Variants in MYO1E observed in about 807,000 individuals in gnomAD.
MYO1E encodes myosin IE.
Under a neutral mutation model 151.1 loss-of-function variants are expected in MYO1E, and 68 were observed. The ratio of observed to expected loss-of-function variants is 0.45; its 90% CI spans 0.37 to 0.55. MYO1E has a LOEUF of 0.55. Among genes scored for constraint, MYO1E ranks in the 20% least tolerant of loss-of-function variants. The pLI is 0.00. For synonymous variants in MYO1E, 601 were observed against 501.7 expected, an observed-to-expected ratio of 1.20 and a Z score of -2.64; for missense variants, 1,363 against 1,389.3, an observed-to-expected ratio of 0.98 and a Z score of 0.30.
chr15:59,173,015 G>A (rs1158982367), intron 21 of MYO1E, among the ~76,000 whole-genome samples: 1 of 152,162 alleles, frequency 6.6e-6, no homozygotes, highest in Non-Finnish European at 1.5e-5. Flanking sequence ...AGCTCTTAAC[G>A]GGTCCATGAG....
At chr15:59,276,532 T>C (rs768953482) in intron 1 of MYO1E, among the ~76,000 whole-genome samples, 7 of 152,164 alleles carry the variant, frequency 4.6e-5, no homozygotes, top group Non-Finnish European at 1.0e-4. Context: ...TTCCATTAGA[T>C]AGAGATTGAG....
intron 1 of MYO1E, among the ~76,000 whole-genome samples, chr15:59,286,901 T>TG (rs145254905): frequency 0.015 from 2,325 of 152,124 alleles, 44 homozygotes; most frequent in African/African-American, 0.052. Context: ...AGACCACAGC[T>TG]GGTTGATGGG....
In MYO1E at chr15:59,272,326, A is replaced by G. The variant is rs757905730; in HGVS notation, c.127T>C (p.Tyr43His). The G allele has an allele frequency of 6.2e-6, 10 of 1,614,034 alleles. No individual in the cohort carries two copies. Among genetic ancestry groups the G allele is most frequent in the Middle Eastern group, 1.6e-4 (1 of 6,084 alleles). ...GATACAAAAATGTAGTCATCCATGTATCTCTTCTTCAGATTCTCCACGATG... is the reference window on the plus strand; with the variant it reads ...GATACAAAAATGTAGTCATCCATGTGTCTCTTCTTCAGATTCTCCACGATG... The part of the protein sequence containing the change: ...NSIVENLKKR[Y>H]MDDYIFTYIG... The change falls in exon 2 of 28, where the codon TAC becomes CAC. Residue 43 changes from tyrosine (Y) to histidine (H), a missense_variant. Tyr to His is a moderately conservative substitution (Grantham distance 83). Transcript: ENST00000288235.
intron 14 of MYO1E, among the ~76,000 whole-genome samples, chr15:59,205,961 G>C (rs2079830888): frequency 6.6e-6 from 1 of 152,046 alleles, no homozygotes; most frequent in Non-Finnish European, 1.5e-5. Flanking sequence ...TATCAAAGTT[G>C]CACCAATCTG....
intron 16 of MYO1E, among the ~76,000 whole-genome samples, chr15:59,198,129 G>C (rs1381280531): frequency 6.6e-6 from 1 of 152,222 alleles, no homozygotes; most frequent in Non-Finnish European, 1.5e-5. Context: ...GCCTCCCAGA[G>C]TGCTGAGATT....
intron 2 of MYO1E, among the ~76,000 whole-genome samples, chr15:59,269,297 G>A (rs117768458): frequency 1.0e-3 from 159 of 152,152 alleles, no homozygotes; most frequent in East Asian, 9.9e-3. Flanking sequence ...TTACAGGTAC[G>A]GAAAGCAAGG....
intron 1 of MYO1E, among the ~76,000 whole-genome samples, chr15:59,364,585 AT>A (rs2080902917): frequency 1.3e-5 from 2 of 152,190 alleles, no homozygotes; most frequent in African/African-American, 4.8e-5. Flanking sequence ...CAAATTGTAT[AT>A]TTGCCCCATA....
Position 59,256,304 on chromosome 15 carries a change from C to T in MYO1E, c.312G>A (p.Glu104=), listed in dbSNP as rs2140370650. 6.2e-7 allele frequency: 1 copy of T among 1,607,908 alleles called. No homozygotes were observed. Among genetic ancestry groups the T allele is most frequent in the Non-Finnish European group, 8.5e-7 (1 of 1,174,560 alleles). ...CATACCTGATAATGACGCACTGGTT[C>T]TCTCTGTCAATGATCATGTTTCTGT... ...NMYRNMIIDR[E]NQCVIISGES... Residue 104 remains glutamate, a synonymous_variant, in exon 4 of 28, where the codon GAG becomes GAA. Coordinates refer to ENST00000288235, the MANE Select transcript of MYO1E (RefSeq NM_004998.4).
At chr15:59,186,549 T>C (rs193109480) in intron 18 of MYO1E, among the ~76,000 whole-genome samples, 1 of 152,100 alleles carries the variant, frequency 6.6e-6, no homozygotes, top group Non-Finnish European at 1.5e-5. Context: ...GAGGATCACT[T>C]GAGAGTAGCT....
chr15:59,308,385 C>T (rs1227258786), intron 1 of MYO1E, among the ~76,000 whole-genome samples: 1 of 150,326 alleles, frequency 6.7e-6, no homozygotes, highest in Non-Finnish European at 1.5e-5. Flanking sequence ...AAAATACAAA[C>T]ATTAGGCTGG....
chr15:59,316,135 T>C (rs1251109573), intron 1 of MYO1E, among the ~76,000 whole-genome samples: 2 of 152,180 alleles, frequency 1.3e-5, no homozygotes, highest in African/African-American at 4.8e-5. Context: ...CGAAAAAGCA[T>C]ACAAGAAATT....
intron 16 of MYO1E, among the ~76,000 whole-genome samples, chr15:59,201,285 G>A (rs968084998): frequency 6.6e-6 from 1 of 151,568 alleles, no homozygotes; most frequent in Non-Finnish European, 1.5e-5. Context: ...TAGAGATGGG[G>A]TTCTCATTAT....
intron 17 of MYO1E, among the ~76,000 whole-genome samples, chr15:59,188,824 A>C (rs1845145018): frequency 6.6e-6 from 1 of 152,206 alleles, no homozygotes; most frequent in African/African-American, 2.4e-5. Context: ...ATGAACAAAA[A>C]TATTGGTTAA....
chr15:59,255,303 A>C (rs1267090082), intron 4 of MYO1E, among the ~76,000 whole-genome samples: 1 of 152,114 alleles, frequency 6.6e-6, no homozygotes, highest in African/African-American at 2.4e-5. Context: ...TTTTTTGTAG[A>C]GATGGGGTTT....
intron 1 of MYO1E, among the ~76,000 whole-genome samples, chr15:59,341,003 C>T (rs867111306): frequency 8.3e-6 from 1 of 119,774 alleles, no homozygotes; most frequent in African/African-American, 3.3e-5. Flanking sequence ...TGGGACAGAG[C>T]GAGACTCCAT....
intron 1 of MYO1E, among the ~76,000 whole-genome samples, chr15:59,298,608 G>A (rs187403748): frequency 4.9e-4 from 75 of 152,274 alleles, no homozygotes; most frequent in Non-Finnish European, 9.0e-4. Flanking sequence ...CCTCACCCCT[G>A]CTCCAATCCT....
chr15:59,358,094 A>G (rs1171435276), intron 1 of MYO1E, among the ~76,000 whole-genome samples: 24 of 152,152 alleles, frequency 1.6e-4, no homozygotes, highest in Non-Finnish European at 8.8e-5. Context: ...CATAGCCCCA[A>G]ACAAAGAGGA....
At chr15:59,242,785 G>A (rs1480397039) in intron 4 of MYO1E, among the ~76,000 whole-genome samples, 1 of 152,208 alleles carries the variant, frequency 6.6e-6, no homozygotes, top group Non-Finnish European at 1.5e-5. Context: ...AGAACCAGGT[G>A]ATCAAGAGCC....
intron 1 of MYO1E, among the ~76,000 whole-genome samples, chr15:59,284,030 G>A (rs1166306733): frequency 1.3e-5 from 2 of 152,190 alleles, no homozygotes; most frequent in African/African-American, 4.8e-5. Flanking sequence ...GGAGCTCACG[G>A]AGCAGCCTGG....
Sources: allele counts gnomAD v4.1 joint callset (sites outside exome capture counted in the v4.1 genomes callset), GRCh38; gene constraint gnomAD v4.1.1; transcripts MANE v1.5; gene names NCBI Gene and HGNC (gene_info 2026-07-23, HGNC 2026-07-21).